The following DDIAS variants were observed in gnomAD, a reference collection of about 807,000 sequenced individuals.
DDIAS encodes the protein DNA damage-induced apoptosis suppressor protein.
A neutral mutation model predicts 15.7 loss-of-function variants in DDIAS; 14 were observed. That is an observed-to-expected ratio of 0.89 (90% confidence interval 0.59 to 1.39). The LOEUF is 1.39. DDIAS is among the 40% of genes most tolerant of loss of function. The pLI, the probability that DDIAS is intolerant of heterozygous loss-of-function variation, is 0.00. For synonymous variants in DDIAS, 355 were observed against 395.9 expected, an observed-to-expected ratio of 0.90 and a Z score of 1.23; for missense variants, 1,035 against 1,130.9, an observed-to-expected ratio of 0.92 and a Z score of 1.22.
At chr11:82,930,964 C>T (rs377498005) in intron 5 of DDIAS, among the ~76,000 whole-genome samples, 36 of 152,234 alleles carry the variant, frequency 2.4e-4, no homozygotes, top group African/African-American at 7.9e-4. Context: ...TCTCTCCTCT[C>T]TTCTTTTTCC....
chr11:82,923,234 A>G (rs373817030), intron 3 of DDIAS, among the ~76,000 whole-genome samples: 61 of 152,316 alleles, frequency 4.0e-4, no homozygotes, highest in Middle Eastern at 3.4e-3. Flanking sequence ...TGGAGCTGCA[A>G]TCTAATCCTG....
At chr11:82,913,873 A>G in intron 2 of DDIAS, 1 of 405,296 alleles carries the variant, frequency 2.5e-6, no homozygotes, top group Non-Finnish European at 4.8e-6. Flanking sequence ...AAGTCTAAAC[A>G]TAAAATTTGT....
intron 1 of DDIAS, among the ~76,000 whole-genome samples, chr11:82,903,411 G>A (rs542208022): frequency 2.1e-4 from 32 of 152,224 alleles, no homozygotes; most frequent in Non-Finnish European, 3.8e-4. Flanking sequence ...TTACTGGTTA[G>A]TGAGTAGTAC....
rs1861029869 is a variant in DDIAS, at chr11:82,932,911, A to G, written c.1573A>G (p.Asn525Asp). The change falls in exon 6 of 6, where the codon AAT becomes GAT. Residue 525 changes from asparagine to aspartate, a missense_variant. Physicochemically the swap from Asn to Asp is conservative, Grantham distance 23. Coordinates refer to ENST00000533655, the MANE Select transcript of DDIAS (RefSeq NM_145018.4). Reference sequence around the variant, plus strand: ...AGTAGAGGCTGTCTCTGTAAATCATAATGGAAGAGATATGTCAGAATATTT... The same window carrying G: ...AGTAGAGGCTGTCTCTGTAAATCATGATGGAAGAGATATGTCAGAATATTT... ...NKVEAVSVNHNGRDMSEYFLP... is the reference protein window; with the variant it reads ...NKVEAVSVNHDGRDMSEYFLP... The G allele has an allele frequency of 6.2e-7, 1 of 1,612,500 alleles. No individual in the cohort carries two copies. The highest frequency in any genetic ancestry group is 1.3e-5 in the African/African-American group (1 of 75,030).
At chr11:82,906,051 G>C (rs1430154520) in intron 1 of DDIAS, among the ~76,000 whole-genome samples, 1 of 152,134 alleles carries the variant, frequency 6.6e-6, no homozygotes, top group Non-Finnish European at 1.5e-5. Context: ...GCAGTAGAGA[G>C]AGACAGAGAA....
chr11:82,931,973 G>C lies in DDIAS; in HGVS notation c.635G>C (p.Ser212Thr), dbSNP rs372280162. The C allele has an allele frequency of 2.5e-6, 4 of 1,613,924 alleles. No homozygotes were observed. Among genetic ancestry groups the C allele is most frequent in the Non-Finnish European group, 3.4e-6 (4 of 1,179,988 alleles). The change falls in exon 6 of 6, where the codon AGT (serine) becomes ACT (threonine). Residue 212 changes from serine to threonine, a missense_variant. Ser to Thr is a moderately conservative substitution (Grantham distance 58). Transcript: ENST00000533655. ...TTACTTGCTTTAGATCACTCAAATA[G>C]TGATCTCAGCAGCATATATACTTCT... ...NHLLALDHSN[S>T]DLSSIYTSDS...
At chr11:82,921,062 G>A (rs1860736528) in intron 3 of DDIAS, among the ~76,000 whole-genome samples, 1 of 152,092 alleles carries the variant, frequency 6.6e-6, no homozygotes, top group Non-Finnish European at 1.5e-5. Context: ...GAGCTCCAGT[G>A]TTAGGTGCAT....
chr11:82,930,669 A>C (rs148427614), intron 5 of DDIAS, among the ~76,000 whole-genome samples: 1 of 152,186 alleles, frequency 6.6e-6, no homozygotes, highest in Non-Finnish European at 1.5e-5. Context: ...AAGGCAAAGT[A>C]TCTTGAGTAT....
intron 1 of DDIAS, among the ~76,000 whole-genome samples, chr11:82,910,746 G>T (rs1565243560): frequency 1.3e-5 from 2 of 151,228 alleles, no homozygotes; most frequent in African/African-American, 2.4e-5. Context: ...CTCCCAAGTA[G>T]CTGGGACCAC....
Position 82,932,754 on chromosome 11 carries a change from G to T in DDIAS, c.1416G>T (p.Leu472=). Residue 472 remains leucine, a synonymous_variant, in exon 6 of 6, where the codon CTG becomes CTT. Transcript: ENST00000533655. The part of the protein sequence containing the change: ...SVTPQRTTGA[L]HTPPIALRSS... ...CTCCCCAGAGAACTACTGGAGCCCT[G>T]CATACACCACCTATAGCTTTAAGAT... 4.3e-6 allele frequency: 7 copies of T among 1,614,010 alleles called. No individual in the cohort carries two copies. Among genetic ancestry groups the T allele is most frequent in the South Asian group, 1.1e-5 (1 of 91,076 alleles).
At chr11:82,911,479 A>G (rs1387571042) in intron 1 of DDIAS, among the ~76,000 whole-genome samples, 1 of 152,230 alleles carries the variant, frequency 6.6e-6, no homozygotes, top group African/African-American at 2.4e-5. Flanking sequence ...GCAACTCGTC[A>G]TAAGTTCATG....
rs1485812690 is a variant in DDIAS, at chr11:82,932,880, TAACA to T, written c.1545_1548del (p.Asn515LysfsTer2). On this transcript the variant is annotated frameshift_variant, in exon 6 of 6. Transcript: ENST00000533655. LOFTEE classifies it low-confidence loss of function (END_TRUNC). Reference sequence around the variant, plus strand: ...GTGTTGAAAAGGAGTCACAACCAGATAACAAAGTAGAGGCTGTCTCTGTAAATCA... The same window carrying T: ...GTGTTGAAAAGGAGTCACAACCAGATAAGTAGAGGCTGTCTCTGTAAATCA... The T allele has an allele frequency of 1.2e-6, 2 of 1,613,300 alleles. No homozygotes were observed. The highest frequency in any genetic ancestry group is 3.3e-5 in the Admixed American group (2 of 59,954).
Position 82,933,182 on chromosome 11 carries a change from G to T in DDIAS, c.1844G>T (p.Cys615Phe). Residue 615 changes from cysteine to phenylalanine, a missense_variant, in exon 6 of 6, where the codon TGT (cysteine) becomes TTT (phenylalanine). Transcript: ENST00000533655. ...DLCKLENKQY[C>F]RWSKNQDDSF... is the part of the protein sequence containing the mutation. ...TGCAAATTAGAAAATAAACAATATT[G>T]TAGGTGGTCCAAGAACCAAGATGAC... 6.2e-7 allele frequency: 1 copy of T among 1,612,406 alleles called. No individual in the cohort carries two copies.
chr11:82,933,275 C>G lies in DDIAS; in HGVS notation c.1937C>G (p.Thr646Arg), dbSNP rs377608768. 22 of 1,613,272 alleles carry G rather than the reference C, an allele frequency of 1.4e-5. No homozygotes were observed. The highest frequency in any genetic ancestry group is 1.8e-5 in the Non-Finnish European group (21 of 1,179,770). The change falls in exon 6 of 6, where the codon ACA becomes AGA. Residue 646 changes from threonine (T) to arginine (R), a missense_variant. By Grantham distance (71) the Thr-to-Arg change is moderately conservative. Coordinates refer to ENST00000533655, the MANE Select transcript of DDIAS (RefSeq NM_145018.4). Reference sequence around the variant, plus strand: ...CTTTGCAATAGTCCAAATAGAAGTACAAATACATTGAAAGAAATGCCTTGG... The same window carrying G: ...CTTTGCAATAGTCCAAATAGAAGTAGAAATACATTGAAAGAAATGCCTTGG... ...ETLCNSPNRS[T>R]NTLKEMPWGH...
chr11:82,911,834 GTGACTCAT>G (rs377069448), intron 1 of DDIAS, among the ~76,000 whole-genome samples: 199 of 152,342 alleles, frequency 1.3e-3, no homozygotes, highest in African/African-American at 4.6e-3. Flanking sequence ...GAAAGTCAAA[GTGACTCAT>G]TGATCCATGA....
Position 82,932,665 on chromosome 11 carries a change from A to T in DDIAS, c.1327A>T (p.Arg443Trp), listed in dbSNP as rs780568298. The T allele has an allele frequency of 3.1e-6, 5 of 1,613,990 alleles. No individual in the cohort carries two copies. The East Asian group carries it at 8.9e-5, about 29-fold the overall frequency. The change falls in exon 6 of 6, where the codon AGG becomes TGG. Residue 443 changes from arginine (R) to tryptophan (W), a missense_variant. Coordinates refer to ENST00000533655, the MANE Select transcript of DDIAS (RefSeq NM_145018.4). ...TGTAACCCAGGCAGATGTCAGTAGT[A>T]GGAAACATCATGTAGATAATGACAT... The part of the protein sequence containing the change: ...IAVTQADVSS[R>W]KHHVDNDIDK...
intron 1 of DDIAS, 91 bp from the exon 2 acceptor site, chr11:82,913,196 T>C (rs1321626002): frequency 6.6e-6 from 1 of 152,246 alleles, no homozygotes; most frequent in Non-Finnish European, 1.5e-5. Context: ...AAATGTAATA[T>C]CTGTGAAGCA....
At chr11:82,919,549 C>T (rs1034669525) in intron 3 of DDIAS, among the ~76,000 whole-genome samples, 1 of 152,172 alleles carries the variant, frequency 6.6e-6, no homozygotes, top group Non-Finnish European at 1.5e-5. Flanking sequence ...GGATATCGGG[C>T]AGTAGTTTTC....
rs1861070505 is a variant in DDIAS, at chr11:82,934,207, C to T, written c.2869C>T (p.Pro957Ser). Residue 957 changes from proline (P) to serine (S), a missense_variant, in exon 6 of 6, where the codon CCT becomes TCT. By Grantham distance (74) the Pro-to-Ser change is moderately conservative (BLOSUM62 -1). Coordinates refer to ENST00000533655, the MANE Select transcript of DDIAS (RefSeq NM_145018.4). ...KCPDIQVLAA[P>S]QLHPILGPDS... ...TCCAGACATTCAAGTCTTAGCAGCA[C>T]CTCAGCTGCACCCTATTCTTGGACC... The T allele has an allele frequency of 3.7e-6, 6 of 1,614,020 alleles. No homozygotes were observed. The highest frequency in any genetic ancestry group is 1.3e-5 in the African/African-American group (1 of 74,928).
Sources: allele counts gnomAD v4.1 joint callset (sites outside exome capture counted in the v4.1 genomes callset), GRCh38; gene constraint gnomAD v4.1.1; transcripts MANE v1.5; gene names NCBI Gene and HGNC (gene_info 2026-07-23, HGNC 2026-07-21).